PUDP: variants seen among roughly 807,000 people sequenced by gnomAD.
The protein encoded by PUDP is pseudouridine-5'-phosphatase.
In PUDP, 8 loss-of-function variants were observed where a neutral mutation model predicts 9.4. That is an observed-to-expected ratio of 0.85 (90% CI 0.50 to 1.53). The LOEUF (loss-of-function observed/expected upper bound fraction) is 1.53, where lower values mean the gene tolerates loss of function less well. PUDP is among the 40% of genes most tolerant of loss of function. The pLI, the probability that PUDP is intolerant of heterozygous loss-of-function variation, is 0.00. For missense variants in PUDP, 188 were observed against 189.7 expected (o/e 0.99, Z 0.05); for synonymous variants, 99 against 80.7 (o/e 1.23, Z -1.22).
chrX:6,968,130 A>G (rs768669354), intron 3 of PUDP, among the ~76,000 whole-genome samples: 3 of 111,849 alleles, frequency 2.7e-5, no homozygotes, highest in Non-Finnish European at 3.8e-5. Context: ...TGTACACATT[A>G]ATTTGTGTGC....
At chrX:6,956,361 G>A (rs1393053748) in intron 3 of PUDP, among the ~76,000 whole-genome samples, 1 of 108,850 alleles carries the variant, frequency 9.2e-6, no homozygotes, top group Admixed American at 1.0e-4. Context: ...TTCAGTGGGG[G>A]CAAACATTGC....
chrX:6,972,758 T>C (rs912988090), intron 3 of PUDP, among the ~76,000 whole-genome samples: 1 of 112,115 alleles, frequency 8.9e-6, no homozygotes, highest in Admixed American at 9.4e-5. Flanking sequence ...TTTTCTATTG[T>C]TTGGAATAGT....
intron 3 of PUDP, among the ~76,000 whole-genome samples, chrX:6,837,605 T>C (rs140542662): frequency 0.021 from 2,367 of 112,655 alleles, 61 homozygotes; most frequent in African/African-American, 0.073. Context: ...TTGGTATTTC[T>C]TCCCCCTGGC....
intron 3 of PUDP, among the ~76,000 whole-genome samples, chrX:6,751,011 G>A (rs1186392252): frequency 9.1e-6 from 1 of 109,960 alleles, no homozygotes; most frequent in South Asian, 4.0e-4. Context: ...GTGTGGTGGT[G>A]GGCGCCTGTA....
At chrX:6,920,309 G>A (rs1407093665) in intron 3 of PUDP, among the ~76,000 whole-genome samples, 5 of 110,993 alleles carry the variant, frequency 4.5e-5, no homozygotes. Context: ...TAGTCCCATT[G>A]TACACTGCAT....
At chrX:7,139,417 C>T (rs772087261) in intron 1 of PUDP, among the ~76,000 whole-genome samples, 24 of 111,984 alleles carry the variant, frequency 2.1e-4, no homozygotes, top group Middle Eastern at 4.6e-3. Context: ...TGGCTCCCAT[C>T]GGATGCAGTA....
chrX:6,781,411 G>A (rs960885774), intron 3 of PUDP, among the ~76,000 whole-genome samples: 2 of 111,358 alleles, frequency 1.8e-5, no homozygotes, highest in Non-Finnish European at 3.8e-5. Context: ...ATGACTTCTT[G>A]GGATAAAGTT....
At chrX:7,113,990 A>T (rs1404452298) in intron 1 of PUDP, among the ~76,000 whole-genome samples, 2 of 111,150 alleles carry the variant, frequency 1.8e-5, no homozygotes, top group Non-Finnish European at 3.8e-5. Flanking sequence ...GACTCCATGG[A>T]GTCCCGAGGC....
intron 3 of PUDP, among the ~76,000 whole-genome samples, chrX:7,067,993 C>T (rs1271979565): frequency 1.8e-5 from 2 of 111,503 alleles, no homozygotes; most frequent in East Asian, 2.8e-4. Flanking sequence ...CCTTGCCTTC[C>T]GCCATGATTG....
At chrX:6,940,414 TG>T (rs1337102193) in intron 3 of PUDP, among the ~76,000 whole-genome samples, 1 of 112,490 alleles carries the variant, frequency 8.9e-6, no homozygotes, top group Admixed American at 9.4e-5. Context: ...CAATTACAGG[TG>T]TTGATGGGAA....
intron 1 of PUDP, among the ~76,000 whole-genome samples, chrX:6,721,041 T>C (rs1303954534): frequency 8.9e-6 from 1 of 112,039 alleles, no homozygotes; most frequent in Admixed American, 9.5e-5. Flanking sequence ...AAATTCCTTT[T>C]CATTAGTTTA....
intron 3 of PUDP, among the ~76,000 whole-genome samples, chrX:6,805,527 G>T (rs1373149934): frequency 1.5e-4 from 16 of 108,386 alleles, no homozygotes; most frequent in African/African-American, 5.0e-4. Flanking sequence ...AAACCAAAAA[G>T]TTTTTTTTTC....
intron 1 of PUDP, among the ~76,000 whole-genome samples, chrX:6,992,126 A>G (rs1244999148): frequency 4.5e-5 from 5 of 110,847 alleles, no homozygotes; most frequent in African/African-American, 1.6e-4. Flanking sequence ...CAAGTTGTTG[A>G]GCTTGAAAGC....
At chrX:6,978,359 GA>G (rs1928984591) in intron 1 of PUDP, among the ~76,000 whole-genome samples, 2 of 112,089 alleles carry the variant, frequency 1.8e-5, no homozygotes, top group Admixed American at 1.9e-4. Context: ...AAAAGAGAGA[GA>G]GAGAGAGAGA....
At chrX:6,813,645 T>C in intron 3 of PUDP, among the ~76,000 whole-genome samples, 1 of 111,443 alleles carries the variant, frequency 9.0e-6, no homozygotes, top group Non-Finnish European at 1.9e-5. Flanking sequence ...TGCTTCTGAT[T>C]TTTCCAGCAG....
intron 2 of PUDP, among the ~76,000 whole-genome samples, chrX:7,093,874 G>A (rs1931492189): frequency 9.0e-6 from 1 of 111,637 alleles, no homozygotes; most frequent in African/African-American, 3.3e-5. Context: ...GGGAGGCTGA[G>A]GCAGGAGGAT....
chrX:7,142,988 T>C (rs1486334650), intron 1 of PUDP, among the ~76,000 whole-genome samples: 9 of 111,175 alleles, frequency 8.1e-5, no homozygotes, highest in Non-Finnish European at 1.5e-4. Flanking sequence ...AATCAAGTGA[T>C]GTGGCAAACT....
chrX:6,738,715 A>G (rs190640053), intron 3 of PUDP, among the ~76,000 whole-genome samples: 1 of 111,126 alleles, frequency 9.0e-6, no homozygotes, highest in African/African-American at 3.3e-5. Context: ...CCGACAATGC[A>G]CAGCACAGCC....
intron 3 of PUDP, among the ~76,000 whole-genome samples, chrX:6,950,823 C>T (rs1485711727): frequency 2.7e-5 from 3 of 112,207 alleles, no homozygotes. Context: ...AAGCAGATGG[C>T]CCACTCTACT....
Sources: gnomAD v4.1 joint callset for allele counts (sites outside exome capture counted in the v4.1 genomes callset) on GRCh38, gnomAD v4.1.1 for gene constraint, MANE v1.5 for transcripts, NCBI Gene and HGNC (gene_info 2026-07-23, HGNC 2026-07-21) for gene names.